Variants in TEC observed in about 807,000 individuals in gnomAD.
TEC encodes tec protein tyrosine kinase.
Under a neutral mutation model 93.0 loss-of-function variants are expected in TEC, and 72 were observed. That is an observed-to-expected ratio of 0.77 (90% CI 0.64 to 0.94). TEC has a LOEUF of 0.94. Ranked by LOEUF, TEC falls within the 40% of genes least tolerant of loss-of-function variation. The pLI is 0.00. For missense variants in TEC, 630 were observed against 757.9 expected, an observed-to-expected ratio of 0.83 and a Z score of 1.98; for synonymous variants, 249 against 247.7, an observed-to-expected ratio of 1.01 and a Z score of -0.05.
intron 8 of TEC, among the ~76,000 whole-genome samples, chr4:48,157,664 C>T (rs1028506433): frequency 1.3e-5 from 2 of 152,166 alleles, no homozygotes; most frequent in African/African-American, 2.4e-5. Flanking sequence ...TATAGGCATG[C>T]GCCACCACAC....
At chr4:48,222,493 G>A (rs1386517914) in intron 2 of TEC, among the ~76,000 whole-genome samples, 1 of 151,942 alleles carries the variant, frequency 6.6e-6, no homozygotes, top group Admixed American at 6.6e-5. Flanking sequence ...GTGTCAACTT[G>A]AATGGGCCAT....
At chr4:48,266,539 T>C (rs1284806922) in intron 1 of TEC, among the ~76,000 whole-genome samples, 2 of 152,208 alleles carry the variant, frequency 1.3e-5, no homozygotes, top group Non-Finnish European at 2.9e-5. Context: ...AAATCCATTA[T>C]TAACTCCAAG....
intron 1 of TEC, among the ~76,000 whole-genome samples, chr4:48,261,421 T>A (rs1046419907): frequency 2.0e-5 from 3 of 152,156 alleles, no homozygotes; most frequent in African/African-American, 4.8e-5. Flanking sequence ...TTAAATCATA[T>A]TGGCAGAAAA....
chr4:48,170,506 A>C (rs1721056298), intron 4 of TEC, 130 bp from the exon 5 acceptor site: 1 of 594,718 alleles, frequency 1.7e-6, no homozygotes, highest in Non-Finnish European at 2.7e-6. Context: ...CTTAGATCAC[A>C]GGACTCAGCA....
chr4:48,144,442 G>C (rs1719817732), intron 14 of TEC, among the ~76,000 whole-genome samples: 1 of 152,114 alleles, frequency 6.6e-6, no homozygotes, highest in Admixed American at 6.6e-5. Context: ...ATAGCTGAAA[G>C]CATCTGTAAA....
intron 9 of TEC, chr4:48,156,009 G>A (rs896080608): frequency 3.9e-5 from 6 of 152,192 alleles, no homozygotes; most frequent in African/African-American, 1.4e-4. Flanking sequence ...GAAGCTATTT[G>A]TGAGTATTCT....
At chr4:48,143,055 T>C (rs1310124625) in intron 14 of TEC, among the ~76,000 whole-genome samples, 5 of 152,246 alleles carry the variant, frequency 3.3e-5, no homozygotes, top group Non-Finnish European at 7.3e-5. Flanking sequence ...TTCTATTTTC[T>C]CTATGTGGCA....
intron 2 of TEC, among the ~76,000 whole-genome samples, chr4:48,177,037 C>A (rs1309270836): frequency 6.6e-6 from 1 of 152,104 alleles, no homozygotes; most frequent in Non-Finnish European, 1.5e-5. Flanking sequence ...TTTTCTTCCC[C>A]ATTTGCCTGC....
At position 48,176,146 on chromosome 4, in the gene TEC, T is replaced by C. The variant is rs762078095; in HGVS notation, c.179A>G (p.Lys60Arg). The stretch of plus-strand genomic sequence containing the variant: ...ATCATTCTTCACTATTTCCACACAC[T>C]TGATTTTTGAAACATCAATAAACCC... ...RKGFIDVSKI[K>R]CVEIVKNDDG... The change falls in exon 3 of 18, where the codon AAG (lysine) becomes AGG (arginine). Residue 60 changes from lysine to arginine, a missense_variant. Around this residue, in one of 3 missense-constraint regions of TEC, gnomAD observed 335 missense variants for 351.5 expected, o/e 0.95. Coordinates refer to ENST00000381501, the MANE Select transcript of TEC (RefSeq NM_003215.3). 2 of 1,613,784 alleles carry C rather than the reference T, an allele frequency of 1.2e-6. No homozygotes were observed. Among genetic ancestry groups the C allele is most frequent in the Admixed American group, 3.3e-5 (2 of 60,014 alleles).
chr4:48,157,024 T>C (rs991155405), intron 8 of TEC, among the ~76,000 whole-genome samples: 1 of 152,234 alleles, frequency 6.6e-6, no homozygotes, highest in Non-Finnish European at 1.5e-5. Context: ...CATATAACAT[T>C]ATAGGATATT....
At chr4:48,212,110 A>AAAAAAAAAAAAAAAAAAAATAT in intron 2 of TEC, among the ~76,000 whole-genome samples, 1 of 122,266 alleles carries the variant, frequency 8.2e-6, no homozygotes, top group African/African-American at 3.0e-5. Flanking sequence ...AAAAAAAAAA[A>AAAAAAAAAAAAAAAAAAAATAT]ATATATATAT....
intron 6 of TEC, among the ~76,000 whole-genome samples, chr4:48,168,220 C>T (rs1350761143): frequency 2.0e-5 from 3 of 152,170 alleles, no homozygotes; most frequent in Admixed American, 6.5e-5. Context: ...CACTATACCC[C>T]ACTCCTGAAA....
intron 2 of TEC, among the ~76,000 whole-genome samples, chr4:48,227,977 G>A (rs1723529485): frequency 6.6e-6 from 1 of 152,100 alleles, no homozygotes; most frequent in South Asian, 2.1e-4. Context: ...CTTTCTCCCT[G>A]CTGCCATCGA....
intron 2 of TEC, among the ~76,000 whole-genome samples, chr4:48,214,861 A>G (rs776362961): frequency 1.3e-5 from 2 of 152,026 alleles, no homozygotes; most frequent in Non-Finnish European, 2.9e-5. Flanking sequence ...CTCAAAAATA[A>G]AAATAATTAG....
At chr4:48,185,150 G>A (rs1049932903) in intron 2 of TEC, among the ~76,000 whole-genome samples, 5 of 152,152 alleles carry the variant, frequency 3.3e-5, no homozygotes, top group South Asian at 4.1e-4. Context: ...ATGAAAGTTC[G>A]GGTGAGTCAA....
chr4:48,156,819 C>T (rs1560379800), intron 8 of TEC, 85 bp from the exon 9 acceptor site: 3 of 1,037,088 alleles, frequency 2.9e-6, no homozygotes, highest in South Asian at 1.8e-5. Flanking sequence ...TAATTCTGCT[C>T]ATCAATAATA....
chr4:48,144,106 C>G (rs761587551), intron 14 of TEC, among the ~76,000 whole-genome samples: 2 of 151,982 alleles, frequency 1.3e-5, no homozygotes, highest in African/African-American at 2.4e-5. Context: ...GTCTCAGCTA[C>G]TTGGGGGCTG....
At chr4:48,219,591 A>G (rs778487820) in intron 2 of TEC, among the ~76,000 whole-genome samples, 1 of 152,174 alleles carries the variant, frequency 6.6e-6, no homozygotes, top group Non-Finnish European at 1.5e-5. Context: ...AGAGAAGAAA[A>G]TGCTGACGTG....
chr4:48,136,140 G>C lies in TEC; in HGVS notation c.*1276C>G, dbSNP rs568665864. 2 of 152,334 alleles carry C rather than the reference G, an allele frequency of 1.3e-5. No individual in the cohort carries two copies. The highest frequency in any genetic ancestry group is 4.1e-4 in the South Asian group (2 of 4,824). 9.4% of individuals were successfully genotyped at this position (152,334 alleles called of 1,614,324 possible). A position where few individuals can be genotyped will look rare whatever the true frequency, so the allele number is the denominator to read the frequency against. The stretch of plus-strand genomic sequence containing the variant: ...CGCTGGCGCTCACGTGACCGAGATA[G>C]TTTCTTTTCCTTGGCGCTCACAAGG... On this transcript the variant is annotated 3_prime_UTR_variant, in exon 18 of 18. Coordinates refer to ENST00000381501, the MANE Select transcript of TEC (RefSeq NM_003215.3).
Sources: gnomAD v4.1 joint callset for allele counts (sites outside exome capture counted in the v4.1 genomes callset) on GRCh38, gnomAD v4.1.1 for gene constraint, gnomAD v4.1.1 regional missense constraint, MANE v1.5 for transcripts, NCBI Gene and HGNC (gene_info 2026-07-23, HGNC 2026-07-21) for gene names.